Variants in NPC1L1 observed in about 807,000 individuals in gnomAD.
The protein encoded by NPC1L1 is NPC1 like intracellular cholesterol transporter 1.
In NPC1L1, 98 loss-of-function variants were observed where a neutral mutation model predicts 117.0. The observed-to-expected ratio is 0.84, with a 90% CI of 0.71 to 0.99. The LOEUF (loss-of-function observed/expected upper bound fraction) is 0.99, where lower values mean the gene tolerates loss of function less well. Among genes scored for constraint, NPC1L1 ranks in the 50% least tolerant of loss-of-function variants. The probability of loss-of-function intolerance (pLI) is 0.00; values close to 1 mark genes in which losing one functional copy is unlikely to be tolerated. For synonymous variants in NPC1L1, 729 were observed against 727.6 expected (o/e 1.00, Z -0.03); for missense variants, 1,540 against 1,710.0 (o/e 0.90, Z 1.75).
At position 44,524,228 on chromosome 7, in the gene NPC1L1, G is replaced by A. The variant is rs1266057520; in HGVS notation, c.2638-1986C>T. Among the ~76,000 whole-genome samples, 5 of 152,208 alleles carry A rather than the reference G, an allele frequency of 3.3e-5. No homozygotes were observed. The East Asian group carries it at 9.6e-4, about 29-fold the overall frequency. Reference sequence around the variant, plus strand: ...AGAAGACATTAACTCTGTGCCTTTGGCTGATCCCCAGCACAGAAACACCAA... The same window carrying A: ...AGAAGACATTAACTCTGTGCCTTTGACTGATCCCCAGCACAGAAACACCAA... On this transcript the variant is annotated intron_variant, in intron 10 of 18. Coordinates refer to ENST00000381160, the MANE Select transcript of NPC1L1 (RefSeq NM_001101648.2).
Position 44,539,068 on chromosome 7 carries a change from C to G in NPC1L1, c.1329G>C (p.Glu443Asp). 1 of 1,614,106 alleles carries G rather than the reference C, an allele frequency of 6.2e-7. No individual in the cohort carries two copies. Among genetic ancestry groups the G allele is most frequent in the South Asian group, 1.1e-5 (1 of 91,086 alleles). Residue 443 changes from glutamate to aspartate, a missense_variant, in exon 2 of 19, where the codon GAG (glutamate) becomes GAC (aspartate). This residue lies in a region of NPC1L1 where 793 missense variants were observed against 820.4 expected (regional missense o/e 0.97). Transcript: ENST00000381160. This position sits in a 1 kb window ranked among gnomAD's most constrained non-coding sequence, Gnocchi z 4.4. The stretch of plus-strand genomic sequence containing the variant: ...GCAGCCTCTCCTGCAGCTCTAGCAG[C>G]TCCAGCAGCAAGTCCAGGTCCAGGA... ...SGILDLDLLL[E>D]LLELQERLRH...
Position 44,539,038 on chromosome 7 carries a change from G to A in NPC1L1, c.1359C>T (p.His453=), listed in dbSNP as rs750436084. The A allele has an allele frequency of 1.2e-6, 2 of 1,614,084 alleles. No homozygotes were observed. The highest frequency in any genetic ancestry group is 1.7e-6 in the Non-Finnish European group (2 of 1,179,976). ...ELLELQERLR[H]LQVWSPEAQR... is the part of the protein sequence containing the mutation. ...GTGCTTCGGGCGACCATACCTGGAG[G>A]TGCCGCAGCCTCTCCTGCAGCTCTA... The change falls in exon 2 of 19, where the codon CAC becomes CAT. Residue 453 remains histidine (H), a synonymous_variant. Transcript: ENST00000381160. This position sits in a 1 kb window ranked among gnomAD's most constrained non-coding sequence, Gnocchi z 4.4.
intron 14 of NPC1L1, chr7:44,518,608 G>T: frequency 1.6e-6 from 1 of 611,532 alleles, no homozygotes; most frequent in Non-Finnish European, 2.6e-6. Context: ...GGTAGAGGTT[G>T]CAGTGAGCCG....
At chr7:44,520,353 G>A (rs995427687) in intron 14 of NPC1L1, among the ~76,000 whole-genome samples, 13 of 151,898 alleles carry the variant, frequency 8.6e-5, no homozygotes, top group Admixed American at 2.0e-4. Context: ...AGATCCTCTC[G>A]CCTTGGCCTC....
At position 44,520,997 on chromosome 7, in the gene NPC1L1, G is replaced by A. The variant is rs371647586; in HGVS notation, c.3075C>T (p.Pro1025=). ...FLNDRPNIKC[P]KGGLAAYSTS... ...GAAGGCCCTCCCAAGCTTACCCTTTGGGACATTTGATGTTGGGCCGGTCGT... is the reference window on the plus strand; with the variant it reads ...GAAGGCCCTCCCAAGCTTACCCTTTAGGACATTTGATGTTGGGCCGGTCGT... Residue 1025 remains proline, a synonymous_variant, in exon 13 of 19, where the codon CCC becomes CCT. Coordinates refer to ENST00000381160, the MANE Select transcript of NPC1L1 (RefSeq NM_001101648.2). The A allele has an allele frequency of 1.9e-6, 3 of 1,614,034 alleles. No individual in the cohort carries two copies. Among genetic ancestry groups the A allele is most frequent in the South Asian group, 2.2e-5 (2 of 91,082 alleles).
rs370850098 is a variant in NPC1L1, at chr7:44,539,974, G to A, written c.423C>T (p.Arg141=). The part of the protein sequence containing the change: ...PNQSLFINVT[R]VAQLGAGQLP... ...GTTGTCCAGCCCCTAGCTGGGCCAC[G>A]CGGGTCACATTGATGAAGAGGCTCT... The change falls in exon 2 of 19, where the codon CGC becomes CGT. Residue 141 remains arginine (R), a synonymous_variant. Transcript: ENST00000381160. The surrounding 1 kb of genome is among the most constrained non-coding windows in gnomAD (Gnocchi z 4.4). The A allele has an allele frequency of 9.9e-6, 16 of 1,614,124 alleles. No individual in the cohort carries two copies. The highest frequency in any genetic ancestry group is 6.7e-5 in the African/African-American group (5 of 74,948).
Position 44,539,442 on chromosome 7 carries a change from G to A in NPC1L1, c.955C>T (p.Pro319Ser). 2.5e-6 allele frequency: 4 copies of A among 1,613,970 alleles called. No individual in the cohort carries two copies. Among genetic ancestry groups the A allele is most frequent in the Non-Finnish European group, 3.4e-6 (4 of 1,179,978 alleles). Reference protein sequence around the residue: ...PARDKSKMVDPKKGTSLSDKL... With the variant: ...PARDKSKMVDSKKGTSLSDKL... ...TCAGAGAGGCTGGTGCCCTTCTTGG[G>A]GTCCACCATCTTGCTTTTGTCCCTG... The change falls in exon 2 of 19, where the codon CCC becomes TCC. Residue 319 changes from proline to serine, a missense_variant. Coordinates refer to ENST00000381160, the MANE Select transcript of NPC1L1 (RefSeq NM_001101648.2). This position sits in a 1 kb window ranked among gnomAD's most constrained non-coding sequence, Gnocchi z 4.4.
Position 44,532,178 on chromosome 7 carries a change from C to G in NPC1L1, c.2449G>C (p.Glu817Gln). ...TCTCCCTGGCCAGGCGGGGGCAGCTCCTGGGGCTTGACACAGCAGCAGACG... is the reference window on the plus strand; with the variant it reads ...TCTCCCTGGCCAGGCGGGGGCAGCTGCTGGGGCTTGACACAGCAGCAGACG... ...LDVCCCVKPQ[E>Q]LPPPGQGEGL... The change falls in exon 9 of 19, where the codon GAG becomes CAG. Residue 817 changes from glutamate to glutamine, a missense_variant. Transcript: ENST00000381160. 6.2e-7 allele frequency: 1 copy of G among 1,613,966 alleles called. No individual in the cohort carries two copies. The highest frequency in any genetic ancestry group is 8.5e-7 in the Non-Finnish European group (1 of 1,180,010).
intron 14 of NPC1L1, among the ~76,000 whole-genome samples, chr7:44,518,155 A>T (rs1801246607): frequency 6.6e-6 from 1 of 151,814 alleles, no homozygotes; most frequent in African/African-American, 2.4e-5. Context: ...AGACCTTTAT[A>T]CAATAAAGGG....
In NPC1L1 at chr7:44,513,639, A is replaced by G. The variant is rs217434; in HGVS notation, c.3807T>C (p.Val1269=). The G allele has an allele frequency of 0.19, 301,452 of 1,612,656 alleles. 29,821 individuals are homozygous for G. The highest frequency in any genetic ancestry group is 0.2 in the Non-Finnish European group (239,006 of 1,179,888). The change falls in exon 19 of 19, where the codon GTT becomes GTC. Residue 1269 remains valine (V), a synonymous_variant. Coordinates refer to ENST00000381160, the MANE Select transcript of NPC1L1 (RefSeq NM_001101648.2). ...PVILSYVGPD[V]NPALALEQKR... ...TCTGCTCCAGTGCCAGAGCCGGGTT[A>G]ACGTCAGGCCCTGCGGAGAGACAGA... is the stretch of plus-strand genomic sequence containing the variant.
intron 14 of NPC1L1, among the ~76,000 whole-genome samples, chr7:44,519,178 G>A (rs1801280908): frequency 6.6e-6 from 1 of 152,070 alleles, no homozygotes; most frequent in African/African-American, 2.4e-5. Context: ...ATAGGCGTGA[G>A]CTGCAGCACC....
chr7:44,521,011 T>C lies in NPC1L1; in HGVS notation c.3061A>G (p.Asn1021Asp). 6.2e-7 allele frequency: 1 copy of C among 1,614,118 alleles called. No individual in the cohort carries two copies. The highest frequency in any genetic ancestry group is 1.1e-5 in the South Asian group (1 of 91,072). Residue 1021 changes from asparagine to aspartate, a missense_variant, in exon 13 of 19, where the codon AAC becomes GAC. Around this residue, in one of 3 missense-constraint regions of NPC1L1, gnomAD observed 742 missense variants for 873.6 expected, o/e 0.85. Coordinates refer to ENST00000381160, the MANE Select transcript of NPC1L1 (RefSeq NM_001101648.2). ...YLPWFLNDRP[N>D]IKCPKGGLAA... Reference sequence around the variant, plus strand: ...GCTTACCCTTTGGGACATTTGATGTTGGGCCGGTCGTTCAGGAACCAGGGA... The same window carrying C: ...GCTTACCCTTTGGGACATTTGATGTCGGGCCGGTCGTTCAGGAACCAGGGA...
chr7:44,539,047 C>T lies in NPC1L1; in HGVS notation c.1350G>A (p.Arg450=), dbSNP rs781569195. 2.5e-6 allele frequency: 4 copies of T among 1,614,114 alleles called. No individual in the cohort carries two copies. ...GCGACCATACCTGGAGGTGCCGCAG[C>T]CTCTCCTGCAGCTCTAGCAGCTCCA... ...LLLELLELQE[R]LRHLQVWSPE... is the part of the protein sequence containing the mutation. The change falls in exon 2 of 19, where the codon AGG becomes AGA. Residue 450 remains arginine (R), a synonymous_variant. Coordinates refer to ENST00000381160, the MANE Select transcript of NPC1L1 (RefSeq NM_001101648.2). The surrounding 1 kb of genome is among the most constrained non-coding windows in gnomAD (Gnocchi z 4.4).
intron 2 of NPC1L1, among the ~76,000 whole-genome samples, chr7:44,537,947 G>A (rs1040879432): frequency 2.6e-5 from 4 of 152,190 alleles, no homozygotes; most frequent in African/African-American, 9.7e-5. Context: ...TGCAGAGCCA[G>A]GTAGCAGGGG....
chr7:44,533,209 G>C, intron 8 of NPC1L1: 1 of 479,576 alleles, frequency 2.1e-6, no homozygotes, highest in South Asian at 2.1e-5. Flanking sequence ...TCAACATCAT[G>C]CACTTTAGGA....
chr7:44,522,103 T>C lies in NPC1L1; in HGVS notation c.2777A>G (p.Asn926Ser), dbSNP rs150891392. 5.6e-5 allele frequency: 91 copies of C among 1,613,870 alleles called. No homozygotes were observed. Among genetic ancestry groups the C allele is most frequent in the Non-Finnish European group, 7.5e-5 (88 of 1,179,970 alleles). ...GATCTTCTGGGTGAAGGAGAAGTTG[T>C]TGCAGCCTGCACTGGAGCAGATGGC... ...MNAICSSAGC[N>S]NFSFTQKIQY... The change falls in exon 11 of 19, where the codon AAC (asparagine) becomes AGC (serine). Residue 926 changes from asparagine to serine, a missense_variant. Asn to Ser is a conservative substitution (Grantham distance 46). This residue lies in a region of NPC1L1 where 742 missense variants were observed against 873.6 expected (regional missense o/e 0.85). Coordinates refer to ENST00000381160, the MANE Select transcript of NPC1L1 (RefSeq NM_001101648.2).
chr7:44,539,571 A>G lies in NPC1L1; in HGVS notation c.826T>C (p.Phe276Leu), dbSNP rs773551410. Residue 276 changes from phenylalanine (F) to leucine (L), a missense_variant, in exon 2 of 19, where the codon TTC (phenylalanine) becomes CTC (leucine). Coordinates refer to ENST00000381160, the MANE Select transcript of NPC1L1 (RefSeq NM_001101648.2). The surrounding 1 kb of genome is among the most constrained non-coding windows in gnomAD (Gnocchi z 4.4). ...CTGCCCGGCATCTGGCCCAGGTAGA[A>G]GGTGGAGTCGAGGGCCTGGGGGCGG... ...IARPQALDSTFYLGQMPGSLV... is the reference protein window; with the variant it reads ...IARPQALDSTLYLGQMPGSLV... The G allele has an allele frequency of 6.2e-7, 1 of 1,614,098 alleles. No homozygotes were observed. The highest frequency in any genetic ancestry group is 1.3e-5 in the African/African-American group (1 of 75,068).
intron 13 of NPC1L1, 61 bp from the exon 14 acceptor site, chr7:44,520,881 C>T (rs1185723925): frequency 4.3e-6 from 7 of 1,612,456 alleles, no homozygotes; most frequent in African/African-American, 2.7e-5. Context: ...CTGCCCAGCC[C>T]ACAGCCACCC....
chr7:44,516,012 C>T (rs766570856), intron 17 of NPC1L1, 47 bp from the exon 18 acceptor site: 1 of 1,610,402 alleles, frequency 6.2e-7, no homozygotes, highest in Admixed American at 1.7e-5. Context: ...GGGCATCAGG[C>T]AGGGCACAGG....
Sources: allele counts gnomAD v4.1 joint callset (sites outside exome capture counted in the v4.1 genomes callset), GRCh38; gene constraint gnomAD v4.1.1; regional missense constraint gnomAD v4.1.1; non-coding constraint Gnocchi (gnomAD v3.1); transcripts MANE v1.5; gene names NCBI Gene and HGNC (gene_info 2026-07-23, HGNC 2026-07-21).